The following DMD variants were observed in gnomAD, a reference collection of about 807,000 sequenced individuals.
DMD encodes dystrophin, also known as mutant dystrophin.
DMD carries 63 observed loss-of-function variants against 330.1 expected under a neutral mutation model. The ratio of observed to expected loss-of-function variants is 0.19; its 90% CI spans 0.16 to 0.24. The LOEUF (loss-of-function observed/expected upper bound fraction) is 0.24, where lower values mean the gene tolerates loss of function less well. Among genes scored for constraint, DMD ranks in the 10% least tolerant of loss-of-function variants. The pLI is 1.00. For synonymous variants in DMD, 1,223 were observed against 959.8 expected (o/e 1.27, Z -5.07); for missense variants, 3,344 against 2,684.1 (o/e 1.25, Z -5.43).
At chrX:33,186,993 C>T (rs149286660) in intron 1 of DMD, among the ~76,000 whole-genome samples, 424 of 111,934 alleles carry the variant, frequency 3.8e-3, no homozygotes, top group African/African-American at 0.013. Flanking sequence ...TGTAAATTGT[C>T]AAGTTGAACT....
At chrX:31,261,624 C>T (rs2050524765) in intron 62 of DMD, 1 of 117,777 alleles carries the variant, frequency 8.5e-6, no homozygotes, top group Non-Finnish European at 1.8e-5. Context: ...TCTTTAAACG[C>T]AGTACGCTAT....
chrX:32,407,207 G>A (rs1186688083), intron 30 of DMD, among the ~76,000 whole-genome samples: 4 of 111,056 alleles, frequency 3.6e-5, no homozygotes, highest in Non-Finnish European at 5.7e-5. Context: ...AATGGGAGAA[G>A]ATTTTCGCAA....
intron 48 of DMD, among the ~76,000 whole-genome samples, chrX:31,869,318 T>G (rs192111539): frequency 1.8e-5 from 2 of 110,616 alleles, no homozygotes; most frequent in South Asian, 3.8e-4. Context: ...ATGGTAGAGA[T>G]AGAGTTTCAG....
intron 11 of DMD, among the ~76,000 whole-genome samples, chrX:32,637,149 T>A (rs1197768714): frequency 8.9e-6 from 1 of 111,910 alleles, no homozygotes. Context: ...ATATCACGTT[T>A]GGAAGACTGT....
At chrX:31,434,419 CACACACACACACA>C (rs2064337652) in intron 60 of DMD, among the ~76,000 whole-genome samples, 1 of 5,380 alleles carries the variant, frequency 1.9e-4, no homozygotes, top group African/African-American at 6.6e-4. Context: ...AGCGCGCGCG[CACACACACACACA>C]CACACACACA....
At position 32,380,545 on chromosome X, in the gene DMD, G is replaced by A. The variant is rs1251808696; in HGVS notation, c.4810C>T (p.Pro1604Ser). 2 of 1,208,497 alleles carry A rather than the reference G, an allele frequency of 1.7e-6. No individual in the cohort carries two copies. The highest frequency in any genetic ancestry group is 3.0e-5 in the East Asian group (1 of 33,695). The change falls in exon 34 of 79, where the codon CCT becomes TCT. Residue 1604 changes from proline to serine, a missense_variant. By Grantham distance (74) the Pro-to-Ser change is moderately conservative. Coordinates refer to ENST00000357033, the MANE Select transcript of DMD (RefSeq NM_004006.3). ...GCAACTTCAGAATCCAAATTACTAG[G>A]CATTCCTTCAACTGCTGATCTCTTT... ...LTKRSAVEGM[P>S]SNLDSEVAWG...
intron 27 of DMD, among the ~76,000 whole-genome samples, chrX:32,444,652 T>C (rs969306833): frequency 1.8e-5 from 2 of 111,039 alleles, no homozygotes; most frequent in African/African-American, 6.5e-5. Context: ...AAGGGCTTGG[T>C]TGCCTACATT....
intron 29 of DMD, among the ~76,000 whole-genome samples, chrX:32,437,964 A>C (rs1308819479): frequency 1.8e-5 from 2 of 112,075 alleles, no homozygotes; most frequent in African/African-American, 6.5e-5. Context: ...ACCCACACAT[A>C]CTGGTCTATC....
intron 25 of DMD, among the ~76,000 whole-genome samples, chrX:32,456,849 T>C (rs1265286863): frequency 9.3e-6 from 1 of 107,681 alleles, no homozygotes; most frequent in Non-Finnish European, 1.9e-5. Flanking sequence ...ACATCAGGAA[T>C]TTTGTTTTAA....
rs772121758 is a variant in DMD at position 31,875,369 on chromosome X, G to C, written c.6917C>G (p.Ser2306Cys). The change falls in exon 48 of 79, where the codon TCC becomes TGC. Residue 2306 changes from serine (S) to cysteine (C), a missense_variant. Physicochemically the swap from Ser to Cys is moderately radical, Grantham distance 112. Coordinates refer to ENST00000357033, the MANE Select transcript of DMD (RefSeq NM_004006.3). ...KQTNLQWIKV[S>C]RALPEKQGEI... ...TCCTTGTTTCTCAGGTAAAGCTCTG[G>C]AAACCTGAAAGGAAAATACATTTTA... is the stretch of plus-strand genomic sequence containing the variant. 1 of 1,192,906 alleles carries C rather than the reference G, an allele frequency of 8.4e-7. No individual in the cohort carries two copies. Among genetic ancestry groups the C allele is most frequent in the Admixed American group, 2.2e-5 (1 of 45,296 alleles).
intron 1 of DMD, among the ~76,000 whole-genome samples, chrX:33,318,062 G>A (rs1317198961): frequency 2.7e-5 from 3 of 111,140 alleles, no homozygotes; most frequent in East Asian, 5.7e-4. Context: ...ATTAAGTGGA[G>A]TGATAACATA....
At position 32,491,905 on chromosome X, in the gene DMD, A is replaced by G. The variant is rs184556244; in HGVS notation, c.2381-387T>C. On this transcript the variant is annotated intron_variant, in intron 19 of 78. Transcript: ENST00000357033. Reference sequence around the variant, plus strand: ...ATTTTACATATCATACATATTACTCAAATATACTTCCCCAAACTAACTTAC... The same window carrying G: ...ATTTTACATATCATACATATTACTCGAATATACTTCCCCAAACTAACTTAC... Among the ~76,000 whole-genome samples, 311 of 112,326 alleles carry G rather than the reference A, an allele frequency of 2.8e-3. 2 individuals carry two copies. The highest frequency in any genetic ancestry group is 4.6e-3 in the Middle Eastern group (1 of 217).
chrX:32,782,837 CTA>C (rs1569520249), intron 7 of DMD, among the ~76,000 whole-genome samples: 1 of 107,149 alleles, frequency 9.3e-6, no homozygotes, highest in African/African-American at 3.4e-5. Context: ...TTGTATGCCT[CTA>C]TCAAAACATC....
chrX:31,691,209 G>A (rs1310378377), intron 52 of DMD, among the ~76,000 whole-genome samples: 6 of 111,247 alleles, frequency 5.4e-5, no homozygotes, highest in African/African-American at 1.3e-4. Flanking sequence ...TCAAATTTAA[G>A]TTATTATCAG....
chrX:32,174,662 T>C (rs978116537), intron 44 of DMD, among the ~76,000 whole-genome samples: 1 of 112,473 alleles, frequency 8.9e-6, no homozygotes, highest in Non-Finnish European at 1.9e-5. Context: ...AATGTTGTCT[T>C]TGGAAGCTAT....
At chrX:31,493,876 T>C (rs1211369170) in intron 57 of DMD, among the ~76,000 whole-genome samples, 1 of 111,319 alleles carries the variant, frequency 9.0e-6, no homozygotes, top group Non-Finnish European at 1.9e-5. Context: ...TGAAGGTAAA[T>C]TGGCCAGGTG....
intron 2 of DMD, among the ~76,000 whole-genome samples, chrX:32,942,615 G>A (rs981108545): frequency 9.0e-6 from 1 of 111,605 alleles, no homozygotes; most frequent in African/African-American, 3.3e-5. Flanking sequence ...AAGTAGCAGA[G>A]GTAAATTGCC....
intron 55 of DMD, among the ~76,000 whole-genome samples, chrX:31,608,453 G>A (rs1325385886): frequency 9.0e-6 from 1 of 111,237 alleles, no homozygotes; most frequent in Non-Finnish European, 1.9e-5. Context: ...TTTATTTAGG[G>A]CAGTGAACCA....
At chrX:32,924,171 A>G (rs553554513) in intron 2 of DMD, among the ~76,000 whole-genome samples, 1 of 111,839 alleles carries the variant, frequency 8.9e-6, no homozygotes, top group African/African-American at 3.2e-5. Flanking sequence ...TCTGGATTCA[A>G]AATGTTTCCA....
Sources: allele counts gnomAD v4.1 joint callset (sites outside exome capture counted in the v4.1 genomes callset), GRCh38; gene constraint gnomAD v4.1.1; transcripts MANE v1.5; gene names NCBI Gene and HGNC (gene_info 2026-07-23, HGNC 2026-07-21).